The following NTNG1 variants were observed in gnomAD, a reference collection of about 807,000 sequenced individuals.
NTNG1 encodes the protein netrin G1.
NTNG1 carries 16 observed loss-of-function variants against 54.0 expected under a neutral mutation model. The observed-to-expected ratio is 0.30, with a 90% CI of 0.20 to 0.45. The LOEUF is 0.45. Ranked by LOEUF, NTNG1 falls within the 20% of genes least tolerant of loss-of-function variation. The pLI is 1.00. For synonymous variants in NTNG1, 255 were observed against 263.1 expected (o/e 0.97, Z 0.30); for missense variants, 530 against 678.7 (o/e 0.78, Z 2.43).
chr1:107,303,932 G>A (rs77138779), intron 2 of NTNG1, among the ~76,000 whole-genome samples: 7 of 151,572 alleles, frequency 4.6e-5, no homozygotes, highest in Admixed American at 6.6e-5. Context: ...TAATCCGCCC[G>A]CCTTGGCCTC....
At chr1:107,418,655 T>A in intron 5 of NTNG1, 1 of 1,574,132 alleles carries the variant, frequency 6.4e-7, no homozygotes, top group Non-Finnish European at 8.7e-7. Flanking sequence ...GGTAGGAGCA[T>A]GTAAAATTCC....
intron 2 of NTNG1, among the ~76,000 whole-genome samples, chr1:107,255,411 T>G (rs901492697): frequency 6.6e-6 from 1 of 152,134 alleles, no homozygotes; most frequent in Non-Finnish European, 1.5e-5. Context: ...ATGGAGTGGT[T>G]GTTTGTGATT....
At chr1:107,177,058 A>G (rs754534030) in intron 2 of NTNG1, among the ~76,000 whole-genome samples, 5 of 152,048 alleles carry the variant, frequency 3.3e-5, no homozygotes, top group Non-Finnish European at 7.4e-5. Context: ...CAACTTCCTA[A>G]ATCTTCTTCT....
intron 5 of NTNG1, among the ~76,000 whole-genome samples, chr1:107,429,756 T>TCTACCAACA (rs1557993003): frequency 3.3e-5 from 5 of 152,206 alleles, no homozygotes; most frequent in Non-Finnish European, 5.9e-5. Flanking sequence ...CTCACACTTT[T>TCTACCAACA]GTGATAATTA....
intron 2 of NTNG1, among the ~76,000 whole-genome samples, chr1:107,320,208 G>T (rs1042336275): frequency 6.6e-6 from 1 of 152,070 alleles, no homozygotes; most frequent in African/African-American, 2.4e-5. Context: ...TTAGGCATTT[G>T]TTAGTGGTGT....
At chr1:107,206,311 G>A (rs998585916) in intron 2 of NTNG1, among the ~76,000 whole-genome samples, 15 of 152,126 alleles carry the variant, frequency 9.9e-5, no homozygotes, top group Middle Eastern at 3.4e-3. Context: ...GATATTTTGC[G>A]TCTTTTTCTC....
At chr1:107,412,188 G>C (rs1397753949) in intron 5 of NTNG1, among the ~76,000 whole-genome samples, 1 of 151,636 alleles carries the variant, frequency 6.6e-6, no homozygotes, top group Admixed American at 6.6e-5. Context: ...GCAAAAACTT[G>C]CCAAGATCTC....
At chr1:107,427,192 T>C (rs1424436349) in intron 5 of NTNG1, among the ~76,000 whole-genome samples, 2 of 152,062 alleles carry the variant, frequency 1.3e-5, no homozygotes, top group African/African-American at 2.4e-5. Flanking sequence ...GCCTGATAGC[T>C]CTGGCTAGGA....
At chr1:107,141,681 CAA>C (rs1216680927) in intron 1 of NTNG1, among the ~76,000 whole-genome samples, 2 of 152,080 alleles carry the variant, frequency 1.3e-5, no homozygotes, top group Non-Finnish European at 2.9e-5. Flanking sequence ...CACCCACACA[CAA>C]GTCTTCCCGG....
chr1:107,480,433 A>G (rs999839270), intron 7 of NTNG1, among the ~76,000 whole-genome samples, 178 bp from the exon 8 acceptor site: 1 of 152,188 alleles, frequency 6.6e-6, no homozygotes, highest in South Asian at 2.1e-4. Flanking sequence ...AAAGGCAGAA[A>G]ACTACATTTG....
At chr1:107,393,180 C>T (rs936580219) in intron 3 of NTNG1, among the ~76,000 whole-genome samples, 3 of 152,134 alleles carry the variant, frequency 2.0e-5, no homozygotes, top group African/African-American at 7.2e-5. Context: ...TTACTCCTTG[C>T]ATTCTTGATC....
intron 7 of NTNG1, among the ~76,000 whole-genome samples, chr1:107,452,351 C>G (rs1187630892): frequency 6.6e-6 from 1 of 152,118 alleles, no homozygotes; most frequent in African/African-American, 2.4e-5. Context: ...GTGTGTCTAT[C>G]AAGGAAACAT....
At chr1:107,249,518 A>T (rs7555196) in intron 2 of NTNG1, among the ~76,000 whole-genome samples, 1 of 151,524 alleles carries the variant, frequency 6.6e-6, no homozygotes, top group East Asian at 1.9e-4. Flanking sequence ...TTGGGTAACT[A>T]TATGTGTATT....
intron 3 of NTNG1, among the ~76,000 whole-genome samples, chr1:107,378,345 G>T (rs1671428490): frequency 6.6e-6 from 1 of 152,214 alleles, no homozygotes; most frequent in Non-Finnish European, 1.5e-5. Flanking sequence ...TATATCCAGA[G>T]ACCTGGCCAG....
In NTNG1 at chr1:107,389,865, G is replaced by A. The variant is rs147269944; in HGVS notation, c.888-5289G>A. 7.3e-3 allele frequency among the ~76,000 whole-genome samples: 1,112 copies of A among 152,200 alleles called. 14 individuals carry two copies. Among genetic ancestry groups the A allele is most frequent in the African/African-American group, 0.024 (1,008 of 41,518 alleles). On this transcript the variant is annotated intron_variant, in intron 3 of 7. Transcript: ENST00000370068. Reference sequence around the variant, plus strand: ...TGTCCAGTCCTCCCCTGCCTAAAGCGACAGGATAAATAGACGTGGGAGCTG... The same window carrying A: ...TGTCCAGTCCTCCCCTGCCTAAAGCAACAGGATAAATAGACGTGGGAGCTG...
At chr1:107,353,179 A>G (rs912460330) in intron 3 of NTNG1, among the ~76,000 whole-genome samples, 8 of 152,154 alleles carry the variant, frequency 5.3e-5, no homozygotes, top group Non-Finnish European at 1.2e-4. Context: ...TTTCTACCAC[A>G]TGGCCAGGCT....
intron 7 of NTNG1, among the ~76,000 whole-genome samples, chr1:107,447,976 A>G (rs983289115): frequency 7.2e-5 from 11 of 152,114 alleles, no homozygotes; most frequent in Admixed American, 7.2e-4. Flanking sequence ...AAGTCCCAGT[A>G]TGTGCCAGAC....
intron 3 of NTNG1, among the ~76,000 whole-genome samples, chr1:107,350,343 A>G (rs1014057594): frequency 8.6e-5 from 13 of 152,042 alleles, no homozygotes; most frequent in Non-Finnish European, 1.9e-4. Flanking sequence ...CATTCTCTTT[A>G]TGGTGACTTT....
At chr1:107,159,617 C>T (rs1256932300) in intron 2 of NTNG1, among the ~76,000 whole-genome samples, 1 of 152,140 alleles carries the variant, frequency 6.6e-6, no homozygotes, top group Non-Finnish European at 1.5e-5. Context: ...CTACGTTCCA[C>T]TCTTAAACTA....
Sources: allele counts gnomAD v4.1 joint callset (sites outside exome capture counted in the v4.1 genomes callset), GRCh38; gene constraint gnomAD v4.1.1; transcripts MANE v1.5; gene names NCBI Gene and HGNC (gene_info 2026-07-23, HGNC 2026-07-21).